CEP63: variants seen among roughly 807,000 people sequenced by gnomAD.
CEP63 encodes centrosomal protein of 63 kDa.
CEP63 carries 84 observed loss-of-function variants against 89.1 expected under a neutral mutation model. That is an observed-to-expected ratio of 0.94 (90% CI 0.79 to 1.13). The LOEUF (loss-of-function observed/expected upper bound fraction) is 1.13, where lower values mean the gene tolerates loss of function less well. CEP63 is among the 50% of genes most tolerant of loss of function. CEP63 has a pLI of 0.00. For synonymous variants in CEP63, 267 were observed against 272.5 expected (o/e 0.98, Z 0.20); for missense variants, 838 against 813.3 (o/e 1.03, Z -0.37).
the CEP63 span, among the ~76,000 whole-genome samples, chr3:134,632,489 C>T: frequency 2.1e-4 from 32 of 152,056 alleles, no homozygotes; most frequent in Admixed American, 1.6e-3. Context: ...TAAAAATTAA[C>T]ATACTTTCAA....
chr3:134,517,973 T>A (rs1300399040), intron 3 of CEP63, among the ~76,000 whole-genome samples: 1 of 152,146 alleles, frequency 6.6e-6, no homozygotes, highest in East Asian at 1.9e-4. Flanking sequence ...GGAAGTGATA[T>A]GACATGAGAA....
the CEP63 span, among the ~76,000 whole-genome samples, chr3:134,638,301 T>G: frequency 1.3e-5 from 2 of 152,198 alleles, no homozygotes; most frequent in African/African-American, 2.4e-5. Flanking sequence ...ACTCTTAATT[T>G]AAGAAAAAAT....
the CEP63 span, among the ~76,000 whole-genome samples, chr3:134,761,854 C>A: frequency 6.6e-6 from 1 of 152,182 alleles, no homozygotes; most frequent in Non-Finnish European, 1.5e-5. Context: ...AAGCCTCCAG[C>A]CACTAAACCT....
the CEP63 span, among the ~76,000 whole-genome samples, chr3:134,651,863 G>A: frequency 6.6e-6 from 1 of 152,202 alleles, no homozygotes; most frequent in African/African-American, 2.4e-5. Flanking sequence ...TTTGGCTGTA[G>A]GTCTCAGGAG....
intron 2 of CEP63, among the ~76,000 whole-genome samples, chr3:134,505,738 T>A (rs1307338397): frequency 6.6e-6 from 1 of 152,148 alleles, no homozygotes; most frequent in Admixed American, 6.5e-5. Context: ...GGGGCTAGGC[T>A]GATCACCAGT....
chr3:134,506,111 T>C (rs1943386675), intron 2 of CEP63, among the ~76,000 whole-genome samples: 1 of 152,196 alleles, frequency 6.6e-6, no homozygotes, highest in Non-Finnish European at 1.5e-5. Flanking sequence ...CAGGTGCTTT[T>C]TGAAAGTATT....
the CEP63 span, among the ~76,000 whole-genome samples, chr3:134,760,121 C>T: frequency 6.8e-6 from 1 of 147,094 alleles, no homozygotes. Flanking sequence ...TGCAGTGGCG[C>T]GATCTCGGCT....
At chr3:134,774,984 G>A in the CEP63 span, among the ~76,000 whole-genome samples, 1 of 152,194 alleles carries the variant, frequency 6.6e-6, no homozygotes, top group Non-Finnish European at 1.5e-5. Flanking sequence ...GAGAACTGGT[G>A]TATAAATACC....
chr3:134,636,740 G>A, the CEP63 span, among the ~76,000 whole-genome samples: 6 of 152,284 alleles, frequency 3.9e-5, no homozygotes, highest in South Asian at 8.3e-4. Context: ...GGTTTGTAAT[G>A]CAAAAATAGA....
the CEP63 span, among the ~76,000 whole-genome samples, chr3:134,724,718 A>G: frequency 6.6e-6 from 1 of 152,356 alleles, no homozygotes; most frequent in East Asian, 1.9e-4. Flanking sequence ...ATAAAATCAT[A>G]TTTGTACTAT....
At chr3:134,530,086 G>C (rs1197349454) in intron 3 of CEP63, among the ~76,000 whole-genome samples, 2 of 151,692 alleles carry the variant, frequency 1.3e-5, no homozygotes, top group East Asian at 3.9e-4. Flanking sequence ...TGTGAGCCAG[G>C]ATGGTCTTGA....
At chr3:134,620,549 A>G in the CEP63 span, among the ~76,000 whole-genome samples, 1 of 152,312 alleles carries the variant, frequency 6.6e-6, no homozygotes, top group East Asian at 1.9e-4. Flanking sequence ...TTCTCCTCCA[A>G]CTAACTTTCA....
the CEP63 span, among the ~76,000 whole-genome samples, chr3:134,776,488 G>A: frequency 2.4e-4 from 36 of 152,236 alleles, no homozygotes; most frequent in African/African-American, 8.2e-4. Context: ...CATATCAAGT[G>A]CCTAATAGGC....
At chr3:134,573,572 T>C (rs1392406132) in intron 11 of CEP63, among the ~76,000 whole-genome samples, 1 of 152,188 alleles carries the variant, frequency 6.6e-6, no homozygotes, top group Non-Finnish European at 1.5e-5. Flanking sequence ...GGCATGTGGC[T>C]TTATTTCTGA....
At chr3:134,745,139 T>C in the CEP63 span, among the ~76,000 whole-genome samples, 3 of 152,206 alleles carry the variant, frequency 2.0e-5, no homozygotes, top group Non-Finnish European at 2.9e-5. Context: ...CACTGTTGCC[T>C]GGAAACTTTC....
At chr3:134,551,827 A>G in intron 11 of CEP63, 99 bp from the exon 12 acceptor site, 1 of 520,848 alleles carries the variant, frequency 1.9e-6, no homozygotes, top group South Asian at 1.9e-5. Flanking sequence ...ATAAATGAAG[A>G]ATATGACTTA....
At chr3:134,743,826 G>A in the CEP63 span, among the ~76,000 whole-genome samples, 2 of 152,182 alleles carry the variant, frequency 1.3e-5, no homozygotes, top group Non-Finnish European at 2.9e-5. Flanking sequence ...TTCCATTAAA[G>A]TTCCAACCCT....
chr3:134,518,969 G>C (rs1946830058), intron 3 of CEP63, among the ~76,000 whole-genome samples: 1 of 152,016 alleles, frequency 6.6e-6, no homozygotes, highest in East Asian at 1.9e-4. Context: ...AACCATAATA[G>C]AGCCTCTGAA....
the CEP63 span, among the ~76,000 whole-genome samples, chr3:134,658,578 A>G: frequency 0.013 from 1,909 of 152,312 alleles, 34 homozygotes; most frequent in African/African-American, 0.042. Context: ...ATCAAATTGG[A>G]CAGAATTAAT....
Sources: allele counts gnomAD v4.1 joint callset (sites outside exome capture counted in the v4.1 genomes callset), GRCh38; gene constraint gnomAD v4.1.1; transcripts MANE v1.5; gene names NCBI Gene and HGNC (gene_info 2026-07-23, HGNC 2026-07-21).